FRK: variants seen among roughly 807,000 people sequenced by gnomAD.
FRK encodes the protein tyrosine-protein kinase FRK.
In FRK, 51 loss-of-function variants were observed where a neutral mutation model predicts 56.4. The ratio of observed to expected loss-of-function variants is 0.90; its 90% CI spans 0.72 to 1.14. The LOEUF (loss-of-function observed/expected upper bound fraction) is 1.14. Ranked by LOEUF, FRK falls within the 50% of genes most tolerant of loss-of-function variation. The pLI, the probability that FRK is intolerant of heterozygous loss-of-function variation, is 0.00. For missense variants in FRK, 570 were observed against 601.4 expected (o/e 0.95, Z 0.55); for synonymous variants, 245 against 217.9 (o/e 1.12, Z -1.10).
intron 2 of FRK, among the ~76,000 whole-genome samples, chr6:116,000,350 C>T (rs543632185): frequency 3.7e-4 from 54 of 146,206 alleles, no homozygotes; most frequent in Non-Finnish European, 4.9e-4. Flanking sequence ...TCAAGCAATT[C>T]TCGTGCCTCA....
intron 1 of FRK, among the ~76,000 whole-genome samples, chr6:116,023,359 T>C (rs1775953601): frequency 6.6e-6 from 1 of 152,172 alleles, no homozygotes; most frequent in African/African-American, 2.4e-5. Context: ...TGAGTTTTGT[T>C]TGTAATAGAC....
chr6:115,978,613 A>G (rs575558526), intron 2 of FRK, among the ~76,000 whole-genome samples: 1 of 152,276 alleles, frequency 6.6e-6, no homozygotes, highest in South Asian at 2.1e-4. Flanking sequence ...GTCATGTGCC[A>G]AATAAAGATG....
At chr6:116,090,461 C>T in the FRK span, among the ~76,000 whole-genome samples, 5 of 152,140 alleles carry the variant, frequency 3.3e-5, no homozygotes, top group Non-Finnish European at 7.3e-5. Flanking sequence ...CCTGTGATTG[C>T]AAGATAAATA....
chr6:116,093,169 C>T, the FRK span, among the ~76,000 whole-genome samples: 2 of 152,152 alleles, frequency 1.3e-5, no homozygotes, highest in African/African-American at 2.4e-5. Flanking sequence ...CCTAGCCTCC[C>T]TATAGCTCCC....
intron 1 of FRK, among the ~76,000 whole-genome samples, chr6:116,035,321 C>T (rs1776437614): frequency 6.6e-6 from 1 of 151,976 alleles, no homozygotes; most frequent in Admixed American, 6.6e-5. Context: ...GTGGTGACCT[C>T]AAGAGAGGTC....
At chr6:115,957,031 C>T (rs987330466) in intron 4 of FRK, among the ~76,000 whole-genome samples, 2 of 152,174 alleles carry the variant, frequency 1.3e-5, no homozygotes, top group Non-Finnish European at 2.9e-5. Context: ...ACTGTGGGAA[C>T]AGCTGGACAA....
At chr6:116,067,710 G>GC in the FRK span, among the ~76,000 whole-genome samples, 2 of 152,166 alleles carry the variant, frequency 1.3e-5, no homozygotes, top group African/African-American at 4.8e-5. Flanking sequence ...TATACTAATT[G>GC]CAAGAGTCTT....
chr6:115,966,215 C>T (rs1430769765), intron 4 of FRK, among the ~76,000 whole-genome samples: 1 of 152,068 alleles, frequency 6.6e-6, no homozygotes, highest in African/African-American at 2.4e-5. Flanking sequence ...ATATGCATCC[C>T]TGGGACACTG....
chr6:116,043,053 T>C (rs778999388), intron 1 of FRK, among the ~76,000 whole-genome samples: 32 of 152,184 alleles, frequency 2.1e-4, no homozygotes, highest in Non-Finnish European at 4.0e-4. Context: ...TAAATATGTA[T>C]GCACCCAATA....
chr6:116,056,346 G>C (rs538508074), intron 1 of FRK, among the ~76,000 whole-genome samples: 1 of 151,820 alleles, frequency 6.6e-6, no homozygotes, highest in African/African-American at 2.4e-5. Flanking sequence ...TCACTCTCTC[G>C]AGTAGCTGGG....
chr6:116,086,489 A>G, the FRK span, among the ~76,000 whole-genome samples: 8 of 152,286 alleles, frequency 5.3e-5, no homozygotes, highest in South Asian at 1.7e-3. Flanking sequence ...GTAATTATTT[A>G]TATAGTCTGC....
At chr6:116,010,199 G>A (rs1449788940) in intron 1 of FRK, among the ~76,000 whole-genome samples, 1 of 151,564 alleles carries the variant, frequency 6.6e-6, no homozygotes, top group Non-Finnish European at 1.5e-5. Context: ...GGGCAACAGA[G>A]TGAGATTCTG....
chr6:115,984,114 C>T (rs1349043829), intron 2 of FRK, among the ~76,000 whole-genome samples: 2 of 152,084 alleles, frequency 1.3e-5, no homozygotes, highest in Non-Finnish European at 2.9e-5. Context: ...CCAGTGTAAG[C>T]GAGCAGAGTA....
the FRK span, among the ~76,000 whole-genome samples, chr6:116,074,331 TCTGCTGGAC>T: frequency 7.4e-4 from 113 of 152,282 alleles, no homozygotes; most frequent in South Asian, 4.6e-3. Flanking sequence ...GGTCTCCAGC[TCTGCTGGAC>T]TTTCAGTTTT....
At chr6:116,082,966 T>A in the FRK span, among the ~76,000 whole-genome samples, 1 of 151,882 alleles carries the variant, frequency 6.6e-6, no homozygotes, top group African/African-American at 2.4e-5. Flanking sequence ...CAAGGAACCA[T>A]CAAGACATCA....
chr6:115,954,644 G>T (rs1191546306), intron 5 of FRK, among the ~76,000 whole-genome samples: 1 of 152,154 alleles, frequency 6.6e-6, no homozygotes, highest in Non-Finnish European at 1.5e-5. Flanking sequence ...TTTGGGGCAT[G>T]TCATCTTGAG....
chr6:115,968,700 C>T lies in FRK; in HGVS notation c.506G>A (p.Arg169Lys). Residue 169 changes from arginine to lysine, a missense_variant, in exon 3 of 8, where the codon AGA becomes AAA. Arg to Lys is a conservative substitution (Grantham distance 26). Transcript: ENST00000606080. ...GAVVKHYRIK[R>K]LDEGGFFLTR... ...GAGAAAAAATCCCCCTTCATCCAGTCTTTTAATTCTGTAGTGTTTTACAAC... is the reference window on the plus strand; with the variant it reads ...GAGAAAAAATCCCCCTTCATCCAGTTTTTTAATTCTGTAGTGTTTTACAAC... The T allele has an allele frequency of 6.2e-7, 1 of 1,613,828 alleles. No individual in the cohort carries two copies. The highest frequency in any genetic ancestry group is 8.5e-7 in the Non-Finnish European group (1 of 1,179,832).
At chr6:116,067,027 G>A in the FRK span, among the ~76,000 whole-genome samples, 2 of 152,096 alleles carry the variant, frequency 1.3e-5, no homozygotes, top group Admixed American at 1.3e-4. Flanking sequence ...AGGTAATCAA[G>A]TTAAAATGAA....
chr6:116,018,584 A>G (rs1386011234), intron 1 of FRK, among the ~76,000 whole-genome samples: 2 of 152,224 alleles, frequency 1.3e-5, no homozygotes, highest in Non-Finnish European at 2.9e-5. Context: ...TGTTTTCATA[A>G]GAGGATATAC....
Sources: gnomAD v4.1 joint callset for allele counts (sites outside exome capture counted in the v4.1 genomes callset) on GRCh38, gnomAD v4.1.1 for gene constraint, MANE v1.5 for transcripts, NCBI Gene and HGNC (gene_info 2026-07-23, HGNC 2026-07-21) for gene names.